Variants in DNAH2 observed in about 807,000 individuals in gnomAD.
DNAH2 encodes axonemal beta dynein heavy chain 2.
DNAH2 carries 323 observed loss-of-function variants against 523.5 expected under a neutral mutation model. That is an observed-to-expected ratio of 0.62 (90% CI 0.56 to 0.68). The LOEUF is 0.68. Among genes scored for constraint, DNAH2 ranks in the 30% least tolerant of loss-of-function variants. DNAH2 has a pLI of 0.00. For missense variants in DNAH2, 4,907 were observed against 5,701.5 expected (o/e 0.86, Z 4.49); for synonymous variants, 2,093 against 2,177.4 (o/e 0.96, Z 1.08).
intron 58 of DNAH2, among the ~76,000 whole-genome samples, chr17:7,802,646 G>A (rs752314798): frequency 6.6e-6 from 1 of 152,132 alleles, no homozygotes; most frequent in Non-Finnish European, 1.5e-5. Flanking sequence ...TACATGTTCA[G>A]TGCAGATGCA....
rs757193032 is a variant in DNAH2 at position 7,833,436 on chromosome 17, C to G, written c.13187C>G (p.Ala4396Gly). Residue 4396 changes from alanine to glycine, a missense_variant, in exon 86 of 86, where the codon GCC becomes GGC. Physicochemically the swap from Ala to Gly is moderately conservative, Grantham distance 60. Around this residue, in one of 3 missense-constraint regions of DNAH2, gnomAD observed 1,851 missense variants for 2,139.4 expected, o/e 0.87. Transcript: ENST00000572933. The stretch of plus-strand genomic sequence containing the variant: ...AACCGGGCAGGCAGCTCAGACCGAG[C>G]CTCCTTTGTCATCGGCATTGACCTG... ...YPNRAGSSDRASFVIGIDLRS... is the reference protein window; with the variant it reads ...YPNRAGSSDRGSFVIGIDLRS... 3.1e-6 allele frequency: 5 copies of G among 1,614,188 alleles called. No individual in the cohort carries two copies. The Admixed American group carries it at 8.3e-5, about 27-fold the overall frequency.
At chr17:7,825,409 G>C (rs991578799) in intron 77 of DNAH2, among the ~76,000 whole-genome samples, 1 of 152,206 alleles carries the variant, frequency 6.6e-6, no homozygotes, top group African/African-American at 2.4e-5. Flanking sequence ...CAACAGATAA[G>C]AGCTGTTTGA....
At chr17:7,729,188 C>G (rs2074913207) in intron 4 of DNAH2, among the ~76,000 whole-genome samples, 1 of 151,858 alleles carries the variant, frequency 6.6e-6, no homozygotes, top group Non-Finnish European at 1.5e-5. Context: ...CAATGAAAAA[C>G]ATATGCACTG....
Position 7,726,419 on chromosome 17 carries a change from G to A in DNAH2, c.229-703G>A, listed in dbSNP as rs1384474709. Among the ~76,000 whole-genome samples the A allele has an allele frequency of 5.3e-5, 8 of 151,072 alleles. No homozygotes were observed. The South Asian group carries it at 8.4e-4, about 16-fold the overall frequency. ...CCTGGGTTCAAGCGATTCTCCTGCC[G>A]CAGCTTCCCGAGTAGCTGGGATTAC... is the stretch of plus-strand genomic sequence containing the variant. On this transcript the variant is annotated intron_variant, in intron 3 of 85. Transcript: ENST00000572933.
In DNAH2 at chr17:7,799,213, C is replaced by G. The variant is rs1165072300; in HGVS notation, c.8670C>G (p.Leu2890=). The G allele has an allele frequency of 1.2e-6, 2 of 1,614,274 alleles. No homozygotes were observed. The highest frequency in any genetic ancestry group is 4.5e-5 in the East Asian group (2 of 44,894). ...ERVQNNLHIV[L]CLSPMGDPFR... ...TGCAGAACAACCTGCACATCGTGCTCTGCCTCAGCCCCATGGGGGATCCCT... is the reference window on the plus strand; with the variant it reads ...TGCAGAACAACCTGCACATCGTGCTGTGCCTCAGCCCCATGGGGGATCCCT... Residue 2890 remains leucine (L), a synonymous_variant, in exon 56 of 86, where the codon CTC becomes CTG. Transcript: ENST00000572933.
At chr17:7,773,697 G>A (rs746978883) in intron 28 of DNAH2, among the ~76,000 whole-genome samples, 23 of 152,040 alleles carry the variant, frequency 1.5e-4, no homozygotes, top group Middle Eastern at 6.8e-3. Flanking sequence ...TTCCTTCGTC[G>A]CAGTTTCACA....
chr17:7,764,739 G>A (rs1321630613), intron 20 of DNAH2, among the ~76,000 whole-genome samples: 2 of 149,342 alleles, frequency 1.3e-5, no homozygotes, highest in Non-Finnish European at 3.0e-5. Context: ...TGGGATTACA[G>A]GTGTGAGCCA....
chr17:7,741,311 CTCCCTCCCTCCCTCCTTCCTTCCT>C (rs2075334515), intron 11 of DNAH2, among the ~76,000 whole-genome samples: 1 of 44,230 alleles, frequency 2.3e-5, no homozygotes. Context: ...CCTTCCCTCC[CTCCCTCCCTCCCTCCTTCCTTCCT>C]TCCTTCCTTC....
In DNAH2 at chr17:7,765,489, C is replaced by T. The variant is rs771336803; in HGVS notation, c.3435C>T (p.Phe1145=). The T allele has an allele frequency of 6.2e-7, 1 of 1,614,238 alleles. No homozygotes were observed. Among genetic ancestry groups the T allele is most frequent in the Admixed American group, 1.7e-5 (1 of 60,026 alleles). The change falls in exon 21 of 86, where the codon TTC becomes TTT. Residue 1145 remains phenylalanine (F), a synonymous_variant. Transcript: ENST00000572933. Reference sequence around the variant, plus strand: ...TGCTGAAGAAACACAAGGAGAAATTCAAGACAGGCCTGATCCACTCGGCAG... The same window carrying T: ...TGCTGAAGAAACACAAGGAGAAATTTAAGACAGGCCTGATCCACTCGGCAG... ...KQMLKKHKEK[F]KTGLIHSADD... is the part of the protein sequence containing the mutation.
In DNAH2 at chr17:7,794,365, A is replaced by G; in HGVS notation, c.7674+7A>G. 1 of 1,601,736 alleles carries G rather than the reference A, an allele frequency of 6.2e-7. No individual in the cohort carries two copies. The highest frequency in any genetic ancestry group is 1.1e-5 in the South Asian group (1 of 89,582). On this transcript the variant is annotated splice_region_variant and intron_variant, in intron 49 of 85. Coordinates refer to ENST00000572933, the MANE Select transcript of DNAH2 (RefSeq NM_020877.5). ...CAACATGACCTTCCCCACAGTGAGG[A>G]CCTCATGGGGGCTGCAGGACGAGGG...
At chr17:7,759,756 G>C (rs1481340145) in intron 16 of DNAH2, 35 bp from the exon 17 acceptor site, 3 of 1,613,576 alleles carry the variant, frequency 1.9e-6, no homozygotes, top group Admixed American at 3.3e-5. Context: ...CCAGTCCTAA[G>C]GCTTTTCTCT....
rs201158538 is a variant in DNAH2, at chr17:7,719,881, G to A, written c.147G>A (p.Glu49=). Reference sequence around the variant, plus strand: ...TCAGTGAGCCAGAGCTGCAGGCTGAGCTCCCCAAGGAGGAGCCTGGTGGGT... The same window carrying A: ...TCAGTGAGCCAGAGCTGCAGGCTGAACTCCCCAAGGAGGAGCCTGGTGGGT... ...PAVSEPELQA[E]LPKEEPEPRL... The change falls in exon 2 of 86, where the codon GAG becomes GAA. Residue 49 remains glutamate (E), a synonymous_variant. Transcript: ENST00000572933. 4 of 1,568,686 alleles carry A rather than the reference G, an allele frequency of 2.5e-6. No homozygotes were observed. The South Asian group carries it at 3.6e-5, about 14-fold the overall frequency.
intron 58 of DNAH2, 125 bp from the exon 59 acceptor site, chr17:7,804,129 TGG>T: frequency 2.2e-6 from 2 of 889,696 alleles, no homozygotes; most frequent in South Asian, 1.6e-5. Flanking sequence ...ACCAGGATGG[TGG>T]GGGTAGTGTT....
At chr17:7,744,817 A>G (rs1262830807) in intron 12 of DNAH2, among the ~76,000 whole-genome samples, 2 of 152,148 alleles carry the variant, frequency 1.3e-5, no homozygotes, top group Admixed American at 6.5e-5. Context: ...CCTGCAAGAC[A>G]CATTCTCCCA....
chr17:7,805,730 T>C (rs1286288237), intron 61 of DNAH2, among the ~76,000 whole-genome samples: 1 of 152,118 alleles, frequency 6.6e-6, no homozygotes, highest in Non-Finnish European at 1.5e-5. Flanking sequence ...GGTGCATGCC[T>C]GTAGTCCCAG....
chr17:7,761,576 C>T (rs2076006340), intron 18 of DNAH2, among the ~76,000 whole-genome samples: 1 of 151,618 alleles, frequency 6.6e-6, no homozygotes, highest in Non-Finnish European at 1.5e-5. Flanking sequence ...CCTCTGCCTC[C>T]CGGGTTCAAG....
chr17:7,811,262 A>G (rs1289109606), intron 63 of DNAH2, among the ~76,000 whole-genome samples: 2 of 152,238 alleles, frequency 1.3e-5, no homozygotes, highest in African/African-American at 4.8e-5. Context: ...ATAACAATAT[A>G]CAGAAATTCC....
chr17:7,744,730 G>C (rs1007688026), intron 12 of DNAH2, among the ~76,000 whole-genome samples: 1 of 152,148 alleles, frequency 6.6e-6, no homozygotes, highest in African/African-American at 2.4e-5. Context: ...ATAAATCAAC[G>C]ATAAGATTCT....
intron 63 of DNAH2, among the ~76,000 whole-genome samples, chr17:7,812,113 A>T (rs1203649866): frequency 6.6e-6 from 1 of 152,240 alleles, no homozygotes; most frequent in Non-Finnish European, 1.5e-5. Context: ...TTTTAGCTTT[A>T]CCAAAATGTC....
Sources: allele counts gnomAD v4.1 joint callset (sites outside exome capture counted in the v4.1 genomes callset), GRCh38; gene constraint gnomAD v4.1.1; regional missense constraint gnomAD v4.1.1; transcripts MANE v1.5; gene names NCBI Gene and HGNC (gene_info 2026-07-23, HGNC 2026-07-21).